ITFG1: variants seen among roughly 807,000 people sequenced by gnomAD.
ITFG1 encodes the protein integrin alpha FG-GAP repeat containing 1, also known as T-cell immunomodulatory protein.
A neutral mutation model predicts 81.8 loss-of-function variants in ITFG1; 34 were observed. That is an observed-to-expected ratio of 0.42 (90% CI 0.32 to 0.55). The LOEUF (loss-of-function observed/expected upper bound fraction) is 0.55. Among genes scored for constraint, ITFG1 ranks in the 20% least tolerant of loss-of-function variants. The probability of loss-of-function intolerance (pLI) is 0.17; values close to 1 mark genes in which losing one functional copy is unlikely to be tolerated. For synonymous variants in ITFG1, 285 were observed against 270.6 expected, an observed-to-expected ratio of 1.05 and a Z score of -0.52; for missense variants, 672 against 755.4, an observed-to-expected ratio of 0.89 and a Z score of 1.29.
chr16:47,416,988 T>C (rs541604111), intron 6 of ITFG1, among the ~76,000 whole-genome samples: 1 of 152,350 alleles, frequency 6.6e-6, no homozygotes, highest in South Asian at 2.1e-4. Context: ...CTGTTATTGC[T>C]ACATAGTAGT....
At chr16:47,187,999 A>G (rs1266949741) in intron 14 of ITFG1, among the ~76,000 whole-genome samples, 2 of 152,134 alleles carry the variant, frequency 1.3e-5, no homozygotes, top group African/African-American at 4.8e-5. Context: ...GCAGCCAAAA[A>G]ACACATGAAA....
intron 14 of ITFG1, among the ~76,000 whole-genome samples, chr16:47,190,797 A>G (rs1199420520): frequency 6.6e-6 from 1 of 152,202 alleles, no homozygotes; most frequent in Non-Finnish European, 1.5e-5. Flanking sequence ...TTTATTTCTC[A>G]TGATTCAGTG....
rs1257297501 is a variant in ITFG1, at chr16:47,373,696, CA to C, written c.720+2179del. 4.6e-5 allele frequency among the ~76,000 whole-genome samples: 7 copies of C among 152,302 alleles called. No individual in the cohort carries two copies. The East Asian group carries it at 1.3e-3, about 29-fold the overall frequency. On this transcript the variant is annotated intron_variant, in intron 7 of 17. Coordinates refer to ENST00000320640, the MANE Select transcript of ITFG1 (RefSeq NM_030790.5). ...TCTCATCATACCAGCCAGGGTCATC[CA>C]CACTCACATCCCAGCTCCTAGCCTA...
At chr16:47,236,474 C>CAA (rs68028486) in intron 13 of ITFG1, among the ~76,000 whole-genome samples, 134 of 51,066 alleles carry the variant, frequency 2.6e-3, no homozygotes, top group Non-Finnish European at 3.3e-3. Context: ...GACTCCATCT[C>CAA]AAAAAAAAAA....
At chr16:47,358,662 T>C (rs1419655830) in intron 8 of ITFG1, among the ~76,000 whole-genome samples, 1 of 152,254 alleles carries the variant, frequency 6.6e-6, no homozygotes, top group Non-Finnish European at 1.5e-5. Context: ...AAGGTCTTAA[T>C]ATTTCCTAAA....
intron 14 of ITFG1, among the ~76,000 whole-genome samples, chr16:47,181,437 T>C (rs1483074630): frequency 5.6e-5 from 7 of 124,826 alleles, no homozygotes; most frequent in Non-Finnish European, 6.6e-5. Context: ...AGCCGCCCCG[T>C]CCGGGAGGGA....
At chr16:47,398,909 A>C (rs1002580827) in intron 6 of ITFG1, among the ~76,000 whole-genome samples, 1 of 152,212 alleles carries the variant, frequency 6.6e-6, no homozygotes, top group Non-Finnish European at 1.5e-5. Flanking sequence ...CCAATTCTTC[A>C]AACCACATGC....
At chr16:47,382,820 T>C (rs545295256) in intron 6 of ITFG1, among the ~76,000 whole-genome samples, 5 of 152,346 alleles carry the variant, frequency 3.3e-5, no homozygotes, top group Admixed American at 3.3e-4. Flanking sequence ...GATTATAATT[T>C]TCCCTTGATG....
intron 10 of ITFG1, among the ~76,000 whole-genome samples, chr16:47,302,028 G>A (rs1967084392): frequency 6.8e-6 from 1 of 146,790 alleles, no homozygotes; most frequent in Non-Finnish European, 1.5e-5. Flanking sequence ...TTTCCCCAAT[G>A]AGTCTTCAAA....
intron 6 of ITFG1, among the ~76,000 whole-genome samples, chr16:47,427,968 T>C (rs1258380020): frequency 6.6e-6 from 1 of 152,102 alleles, no homozygotes; most frequent in Non-Finnish European, 1.5e-5. Context: ...ACTCTGTCTC[T>C]ACAAAAAATA....
At chr16:47,427,299 T>C (rs1391604402) in intron 6 of ITFG1, among the ~76,000 whole-genome samples, 1 of 152,154 alleles carries the variant, frequency 6.6e-6, no homozygotes, top group Non-Finnish European at 1.5e-5. Context: ...CCTAATGAAC[T>C]GAAACATACA....
intron 5 of ITFG1, among the ~76,000 whole-genome samples, chr16:47,441,764 T>C (rs564046898): frequency 6.6e-5 from 10 of 152,174 alleles, no homozygotes; most frequent in Non-Finnish European, 1.5e-4. Flanking sequence ...CTTTGAAAAC[T>C]GGCACAAGAC....
chr16:47,267,587 C>T (rs1420327730), intron 10 of ITFG1, among the ~76,000 whole-genome samples: 1 of 152,010 alleles, frequency 6.6e-6, no homozygotes, highest in African/African-American at 2.4e-5. Context: ...TGACCACAAC[C>T]CAGCAACACC....
intron 10 of ITFG1, among the ~76,000 whole-genome samples, chr16:47,302,303 G>A (rs1453828904): frequency 2.0e-5 from 3 of 150,408 alleles, no homozygotes; most frequent in African/African-American, 7.5e-5. Context: ...TAAGTCATAA[G>A]CACTGCTCCC....
chr16:47,310,671 C>T (rs574717146), intron 10 of ITFG1, among the ~76,000 whole-genome samples: 2 of 152,248 alleles, frequency 1.3e-5, no homozygotes, highest in South Asian at 4.1e-4. Context: ...AGTGTCATTA[C>T]AAAACAAGCA....
chr16:47,427,674 T>C (rs1969040649), intron 6 of ITFG1, among the ~76,000 whole-genome samples: 1 of 149,018 alleles, frequency 6.7e-6, no homozygotes, highest in Non-Finnish European at 1.5e-5. Flanking sequence ...GTTAACTCCA[T>C]TGGGATACAA....
chr16:47,452,417 A>G (rs1012234456), intron 4 of ITFG1, among the ~76,000 whole-genome samples: 1 of 152,182 alleles, frequency 6.6e-6, no homozygotes, highest in Admixed American at 6.6e-5. Flanking sequence ...TCTAGAGGAA[A>G]CTGTATCCTA....
intron 7 of ITFG1, among the ~76,000 whole-genome samples, chr16:47,375,490 C>A (rs1421175460): frequency 1.3e-5 from 2 of 150,928 alleles, no homozygotes; most frequent in Admixed American, 1.3e-4. Flanking sequence ...TGTCTTATTT[C>A]TTTATATAAG....
intron 8 of ITFG1, among the ~76,000 whole-genome samples, chr16:47,325,593 G>A (rs1053994957): frequency 4.1e-4 from 63 of 152,014 alleles, no homozygotes; most frequent in Admixed American, 2.0e-3. Flanking sequence ...TAATAAAGAA[G>A]AAAAGAGAGA....
Sources: allele counts gnomAD v4.1 joint callset (sites outside exome capture counted in the v4.1 genomes callset), GRCh38; gene constraint gnomAD v4.1.1; transcripts MANE v1.5; gene names NCBI Gene and HGNC (gene_info 2026-07-23, HGNC 2026-07-21).